The following DAP3 variants were observed in gnomAD, a reference collection of about 807,000 sequenced individuals.
DAP3 encodes the protein death associated protein 3.
A neutral mutation model predicts 51.9 loss-of-function variants in DAP3; 28 were observed. The observed-to-expected ratio is 0.54, with a 90% CI of 0.40 to 0.74. The LOEUF is 0.74. Ranked by LOEUF, DAP3 falls within the 30% of genes least tolerant of loss-of-function variation. The pLI is 0.00. For synonymous variants in DAP3, 170 were observed against 170.3 expected (o/e 1.00, Z 0.01); for missense variants, 458 against 483.5 (o/e 0.95, Z 0.49).
At chr1:155,723,899 C>T (rs1162320361) in intron 4 of DAP3, among the ~76,000 whole-genome samples, 18 of 152,068 alleles carry the variant, frequency 1.2e-4, no homozygotes, top group South Asian at 1.0e-3. Flanking sequence ...ATTAGCTGGG[C>T]GTGGTGGCAC....
At chr1:155,688,329 A>AGCGGCGGCAGCAGAGTGGCC (rs1553310671), upstream of DAP3, 3 of 1,549,036 alleles carry the variant, frequency 1.9e-6, no homozygotes, top group Admixed American at 3.9e-5. Flanking sequence ...TGGCGGCGGC[A>AGCGGCGGCAGCAGAGTGGCC]GCGGCGGCAG....
intron 6 of DAP3, among the ~76,000 whole-genome samples, chr1:155,727,345 G>T (rs551905187): frequency 1.3e-5 from 2 of 151,918 alleles, no homozygotes; most frequent in African/African-American, 4.8e-5. Flanking sequence ...GCCAGGCATA[G>T]TGGTTCAACA....
intron 1 of DAP3, among the ~76,000 whole-genome samples, chr1:155,708,537 TTTG>T (rs2149142143): frequency 7.1e-6 from 1 of 141,232 alleles, no homozygotes; most frequent in East Asian, 2.3e-4. Context: ...TTTTTCTGTT[TTTG>T]TTTTTTTTTT....
chr1:155,695,544 G>T (rs183743302), intron 1 of DAP3, among the ~76,000 whole-genome samples: 1 of 152,226 alleles, frequency 6.6e-6, no homozygotes, highest in Non-Finnish European at 1.5e-5. Flanking sequence ...GGTCCTGGAA[G>T]ATTGGTATGT....
chr1:155,738,416 G>C lies in DAP3; in HGVS notation c.*174G>C. ...TTAAAATGGGTTTCACTGTGAATGCGTGACAATAAGATATTCCCTTGTTCC... is the reference window on the plus strand; with the variant it reads ...TTAAAATGGGTTTCACTGTGAATGCCTGACAATAAGATATTCCCTTGTTCC... On this transcript the variant is annotated 3_prime_UTR_variant, in exon 13 of 13. Transcript: ENST00000368336. 1.9e-6 allele frequency: 1 copy of C among 533,164 alleles called. No individual in the cohort carries two copies. The highest frequency in any genetic ancestry group is 3.3e-6 in the Non-Finnish European group (1 of 304,472). 33.0% of individuals were successfully genotyped at this position (533,164 alleles called of 1,614,324 possible). A position where few individuals can be genotyped will look rare whatever the true frequency, so the allele number is the denominator to read the frequency against.
rs750118220 is a variant in DAP3, at chr1:155,721,500, G to A, written c.169-17G>A. 6.2e-6 allele frequency: 10 copies of A among 1,612,938 alleles called. No homozygotes were observed. In the East Asian group the frequency reaches 2.2e-4, roughly 36 times the overall value. On this transcript the variant is annotated splice_polypyrimidine_tract_variant and intron_variant, in intron 3 of 12. Transcript: ENST00000368336. ...CACTTTGTCACCATTATACCTGTTT[G>A]CACTCTTATTTCCTAGGCCAAGCAT...
At chr1:155,702,709 G>A (rs1425323346) in intron 1 of DAP3, among the ~76,000 whole-genome samples, 2 of 151,880 alleles carry the variant, frequency 1.3e-5, no homozygotes, top group African/African-American at 4.8e-5. Flanking sequence ...GATGGCTCAC[G>A]CCTGTAATCC....
chr1:155,689,453 C>T (rs917393471), intron 1 of DAP3: 5 of 462,164 alleles, frequency 1.1e-5, no homozygotes, highest in Admixed American at 2.3e-5. Context: ...GGTACTTCAG[C>T]CTCGTTAGAC....
Position 155,691,800 on chromosome 1 carries a change from A to C in DAP3, c.-8+2626A>C. The stretch of plus-strand genomic sequence containing the variant: ...TTCTAGTGGGTGTGAAGTGTATCTC[A>C]TTGTGGTTTTTATTTGCATTTTCTT... On this transcript the variant is annotated intron_variant, in intron 1 of 12. Coordinates refer to ENST00000368336, the MANE Select transcript of DAP3 (RefSeq NM_004632.4). Among the ~76,000 whole-genome samples the C allele has an allele frequency of 1.4e-5, 2 of 141,464 alleles. 1 individual carries two copies. Among genetic ancestry groups the C allele is most frequent in the African/African-American group, 6.4e-5 (2 of 31,050 alleles). The allele number at this position is 141,464 out of a possible 152,430, so 92.8% of individuals were successfully genotyped here.
chr1:155,721,681 G>T (rs754917347), intron 4 of DAP3, 63 bp downstream of exon 4: 3 of 1,514,982 alleles, frequency 2.0e-6, no homozygotes, highest in Admixed American at 3.4e-5. Context: ...TAGCAAAGGG[G>T]TGGGGCTAAA....
intron 1 of DAP3, among the ~76,000 whole-genome samples, chr1:155,700,760 C>T (rs1303620176): frequency 3.5e-5 from 5 of 144,354 alleles, no homozygotes; most frequent in African/African-American, 7.7e-5. Flanking sequence ...GTCAGCCCTC[C>T]GCCCAGCCAG....
intron 7 of DAP3, 104 bp downstream of exon 7, chr1:155,727,842 C>A: frequency 3.1e-6 from 4 of 1,293,978 alleles, no homozygotes; most frequent in Non-Finnish European, 4.1e-6. Flanking sequence ...GTTGGAATAA[C>A]TGTATCATTT....
At chr1:155,718,665 G>T (rs1657607141) in intron 3 of DAP3, among the ~76,000 whole-genome samples, 1 of 149,230 alleles carries the variant, frequency 6.7e-6, no homozygotes, top group African/African-American at 2.5e-5. Context: ...CAGCCTGGGC[G>T]ACAGTGCAAG....
At chr1:155,726,333 G>C (rs1442193861) in intron 6 of DAP3, 4 of 164,906 alleles carry the variant, frequency 2.4e-5, no homozygotes, top group Admixed American at 7.0e-5. Context: ...CTGTCGCCCA[G>C]GCTGGAGTGC....
At chr1:155,726,085 C>A in intron 6 of DAP3, 66 bp downstream of exon 6, 4 of 1,274,858 alleles carry the variant, frequency 3.1e-6, no homozygotes, top group Non-Finnish European at 4.4e-6. Flanking sequence ...GGTAGCCTTG[C>A]AGCTTTAATT....
intron 11 of DAP3, among the ~76,000 whole-genome samples, chr1:155,735,819 G>C (rs951244781): frequency 1.4e-5 from 2 of 146,752 alleles, no homozygotes; most frequent in Admixed American, 6.8e-5. Context: ...TTACAGGCAC[G>C]CATCACCACG....
At chr1:155,735,291 T>C (rs1444217624) in intron 11 of DAP3, among the ~76,000 whole-genome samples, 6 of 150,198 alleles carry the variant, frequency 4.0e-5, no homozygotes, top group East Asian at 2.0e-4. Flanking sequence ...AATAAGTTCC[T>C]TGGGCCGGGC....
intron 2 of DAP3, among the ~76,000 whole-genome samples, chr1:155,713,497 G>A (rs1195033666): frequency 6.6e-6 from 1 of 152,104 alleles, no homozygotes; most frequent in African/African-American, 2.4e-5. Flanking sequence ...GATGCTTTAC[G>A]TACTCTCTCA....
chr1:155,729,890 T>G (rs1659012047), intron 9 of DAP3, among the ~76,000 whole-genome samples: 1 of 152,000 alleles, frequency 6.6e-6, no homozygotes, highest in African/African-American at 2.4e-5. Context: ...GAGACCAGCC[T>G]GACCAACATG....
Sources: allele counts gnomAD v4.1 joint callset (sites outside exome capture counted in the v4.1 genomes callset), GRCh38; gene constraint gnomAD v4.1.1; transcripts MANE v1.5; gene names NCBI Gene and HGNC (gene_info 2026-07-23, HGNC 2026-07-21).